The following RASAL2 variants were observed in gnomAD, a reference collection of about 807,000 sequenced individuals.
The protein encoded by RASAL2 is RAS protein activator like 2, also known as ras GTPase-activating protein nGAP.
A neutral mutation model predicts 128.9 loss-of-function variants in RASAL2; 58 were observed. That is an observed-to-expected ratio of 0.45 (90% CI 0.36 to 0.56). The LOEUF is 0.56. Ranked by LOEUF, RASAL2 falls within the 20% of genes least tolerant of loss-of-function variation. The pLI, the probability that RASAL2 is intolerant of heterozygous loss-of-function variation, is 0.00. For missense variants in RASAL2, 1,360 were observed against 1,601.6 expected, an observed-to-expected ratio of 0.85 and a Z score of 2.57; for synonymous variants, 561 against 580.8, an observed-to-expected ratio of 0.97 and a Z score of 0.49.
chr1:178,420,474 G>A, intron 4 of RASAL2, 37 bp from the exon 5 acceptor site: 1 of 1,398,082 alleles, frequency 7.2e-7, no homozygotes, highest in African/African-American at 1.4e-5. Context: ...ATTCCCTTTT[G>A]GTTCTCTCTC....
At chr1:178,354,500 C>G (rs1001401329) in intron 3 of RASAL2, among the ~76,000 whole-genome samples, 1 of 152,076 alleles carries the variant, frequency 6.6e-6, no homozygotes, top group African/African-American at 2.4e-5. Flanking sequence ...ATACAGTAAT[C>G]AATACAGTAA....
At chr1:178,180,661 T>TCACACACACACACA (rs1455344116) in intron 1 of RASAL2, among the ~76,000 whole-genome samples, 1 of 6,744 alleles carries the variant, frequency 1.5e-4, no homozygotes. Context: ...AGCGAGACTG[T>TCACACACACACACA]CTCACACACA....
chr1:178,443,400 C>T (rs1676802233), intron 8 of RASAL2, among the ~76,000 whole-genome samples, 171 bp downstream of exon 8: 1 of 152,132 alleles, frequency 6.6e-6, no homozygotes. Context: ...GATTATAAAA[C>T]TAAACAAGTA....
At chr1:178,113,112 T>C (rs1192384834) in intron 1 of RASAL2, among the ~76,000 whole-genome samples, 1 of 152,194 alleles carries the variant, frequency 6.6e-6, no homozygotes, top group Non-Finnish European at 1.5e-5. Flanking sequence ...GAAAAAACTA[T>C]CCTTTGAGCA....
At chr1:178,313,837 C>A (rs2102310429) in intron 3 of RASAL2, among the ~76,000 whole-genome samples, 1 of 152,200 alleles carries the variant, frequency 6.6e-6, no homozygotes, top group African/African-American at 2.4e-5. Context: ...CTTAGTTTTT[C>A]CTTATCTAAG....
intron 1 of RASAL2, among the ~76,000 whole-genome samples, chr1:178,108,081 C>T (rs921629342): frequency 2.0e-5 from 3 of 152,090 alleles, no homozygotes; most frequent in Non-Finnish European, 4.4e-5. Context: ...CAGCAATGCA[C>T]GAGGGTTCCA....
At chr1:178,128,131 C>G (rs1343135793) in intron 1 of RASAL2, among the ~76,000 whole-genome samples, 3 of 152,084 alleles carry the variant, frequency 2.0e-5, no homozygotes, top group African/African-American at 2.4e-5. Flanking sequence ...AGTGTTCTTT[C>G]TACATCACTA....
chr1:178,219,585 G>A (rs762257328), intron 1 of RASAL2, among the ~76,000 whole-genome samples: 5 of 150,336 alleles, frequency 3.3e-5, no homozygotes, highest in African/African-American at 9.8e-5. Flanking sequence ...AGCTGTGATC[G>A]CGCCATAGCA....
intron 1 of RASAL2, among the ~76,000 whole-genome samples, chr1:178,237,935 A>G (rs1664326494): frequency 6.6e-6 from 1 of 152,180 alleles, no homozygotes; most frequent in Non-Finnish European, 1.5e-5. Context: ...GTCTCTATGA[A>G]TTCGATTCCC....
At chr1:178,257,592 CT>C (rs1294871226) in intron 1 of RASAL2, among the ~76,000 whole-genome samples, 6 of 152,126 alleles carry the variant, frequency 3.9e-5, no homozygotes, top group African/African-American at 1.4e-4. Context: ...AATCCCTGCA[CT>C]TTGGAAAACC....
intron 3 of RASAL2, among the ~76,000 whole-genome samples, chr1:178,371,477 T>A (rs939029705): frequency 4.6e-5 from 7 of 152,048 alleles, no homozygotes; most frequent in Non-Finnish European, 7.4e-5. Context: ...AGTGGACTTG[T>A]AATATCCTTA....
At chr1:178,382,960 T>G (rs185367507) in intron 3 of RASAL2, among the ~76,000 whole-genome samples, 12 of 152,276 alleles carry the variant, frequency 7.9e-5, no homozygotes, top group African/African-American at 2.4e-4. Context: ...CTAAAAGTAT[T>G]CTCTACCATC....
intron 1 of RASAL2, among the ~76,000 whole-genome samples, chr1:178,161,744 C>T (rs1661304033): frequency 6.6e-6 from 1 of 152,026 alleles, no homozygotes; most frequent in Admixed American, 6.6e-5. Context: ...TTTTCCACAT[C>T]CTTGTCAACA....
In RASAL2 at chr1:178,300,003, A is replaced by AGG; in HGVS notation, c.346_347dup (p.Gln117AspfsTer14). The stretch of plus-strand genomic sequence containing the variant: ...TTTTGATTAACTAGATACCTGTGGA[A>AGG]GGGGGACAGGAGCAGCAGACAGATT... On this transcript the variant is annotated frameshift_variant, in exon 3 of 18. Transcript: ENST00000367649. LOFTEE classifies it high-confidence loss of function. The AGG allele has an allele frequency of 6.2e-7, 1 of 1,613,796 alleles. No homozygotes were observed. The highest frequency in any genetic ancestry group is 8.5e-7 in the Non-Finnish European group (1 of 1,179,880).
At chr1:178,353,328 T>C (rs886611561) in intron 3 of RASAL2, among the ~76,000 whole-genome samples, 1 of 152,210 alleles carries the variant, frequency 6.6e-6, no homozygotes, top group African/African-American at 2.4e-5. Context: ...CTGCCAGATA[T>C]ACTAAATCAT....
intron 1 of RASAL2, among the ~76,000 whole-genome samples, chr1:178,189,860 C>T (rs1292035567): frequency 2.6e-5 from 4 of 152,086 alleles, no homozygotes; most frequent in Non-Finnish European, 5.9e-5. Context: ...TATAAATACA[C>T]CTGGATAGAG....
intron 3 of RASAL2, among the ~76,000 whole-genome samples, chr1:178,312,747 C>T (rs1055159512): frequency 5.3e-5 from 8 of 152,026 alleles, no homozygotes; most frequent in East Asian, 1.9e-4. Context: ...ACTCAATCAG[C>T]GGAAACAATA....
At chr1:178,368,081 A>G (rs1485866381) in intron 3 of RASAL2, among the ~76,000 whole-genome samples, 2 of 152,206 alleles carry the variant, frequency 1.3e-5, no homozygotes, top group South Asian at 4.1e-4. Context: ...ATGACCCACA[A>G]AACTTAAAAT....
intron 8 of RASAL2, among the ~76,000 whole-genome samples, chr1:178,444,237 C>T (rs1015776707): frequency 2.7e-4 from 41 of 152,182 alleles, no homozygotes; most frequent in African/African-American, 8.9e-4. Context: ...GATTTACGTA[C>T]ATTTTAGGTA....
Sources: gnomAD v4.1 joint callset for allele counts (sites outside exome capture counted in the v4.1 genomes callset) on GRCh38, gnomAD v4.1.1 for gene constraint, MANE v1.5 for transcripts, NCBI Gene and HGNC (gene_info 2026-07-23, HGNC 2026-07-21) for gene names.